The following RAB30 variants were observed in gnomAD, a reference collection of about 807,000 sequenced individuals.
The protein encoded by RAB30 is ras-related protein Rab-30.
RAB30 carries 9 observed loss-of-function variants against 25.1 expected under a neutral mutation model. That is an observed-to-expected ratio of 0.36 (90% CI 0.22 to 0.63). The LOEUF is 0.63. Ranked by LOEUF, RAB30 falls within the 20% of genes least tolerant of loss-of-function variation. The pLI, the probability that RAB30 is intolerant of heterozygous loss-of-function variation, is 0.69. For missense variants in RAB30, 140 were observed against 243.5 expected, an observed-to-expected ratio of 0.58 and a Z score of 2.83; for synonymous variants, 77 against 86.4, an observed-to-expected ratio of 0.89 and a Z score of 0.60.
At chr11:83,067,549 CAA>C (rs2121522246) in intron 1 of RAB30, among the ~76,000 whole-genome samples, 1 of 152,212 alleles carries the variant, frequency 6.6e-6, no homozygotes, top group East Asian at 1.9e-4. Flanking sequence ...CTTCGGAAAA[CAA>C]AAAGACCTGG....
chr11:83,024,644 T>C (rs1857665974), intron 1 of RAB30, among the ~76,000 whole-genome samples: 1 of 152,120 alleles, frequency 6.6e-6, no homozygotes, highest in African/African-American at 2.4e-5. Flanking sequence ...AGAAAAGCCT[T>C]AGAGGAAGTG....
intron 1 of RAB30, among the ~76,000 whole-genome samples, chr11:83,046,475 C>A (rs1858236368): frequency 6.6e-6 from 1 of 152,100 alleles, no homozygotes; most frequent in Non-Finnish European, 1.5e-5. Flanking sequence ...ATATCTCTAC[C>A]CCCAGCTTAG....
chr11:82,987,900 T>C, intron 3 of RAB30, 130 bp from the exon 4 acceptor site: 1 of 155,738 alleles, frequency 6.4e-6, no homozygotes, highest in Non-Finnish European at 1.1e-5. Flanking sequence ...GGTTATTTTC[T>C]GCCCTAAAAA....
At chr11:83,065,155 A>T (rs1176287103) in intron 1 of RAB30, among the ~76,000 whole-genome samples, 2 of 152,138 alleles carry the variant, frequency 1.3e-5, no homozygotes, top group African/African-American at 4.8e-5. Context: ...TGGGAGGCTA[A>T]AATGGGAGGA....
chr11:83,030,254 T>A (rs1000160734), intron 1 of RAB30, among the ~76,000 whole-genome samples: 2 of 151,774 alleles, frequency 1.3e-5, no homozygotes, highest in Non-Finnish European at 2.9e-5. Flanking sequence ...CCCAGCATTT[T>A]GGGAGGCCAA....
At chr11:83,023,928 C>G (rs945652810) in intron 1 of RAB30, among the ~76,000 whole-genome samples, 12 of 152,180 alleles carry the variant, frequency 7.9e-5, no homozygotes, top group African/African-American at 2.9e-4. Flanking sequence ...ATCTCCCATA[C>G]AGAGGTCAGA....
At chr11:83,019,768 C>T (rs781628517) in intron 1 of RAB30, among the ~76,000 whole-genome samples, 8 of 152,196 alleles carry the variant, frequency 5.3e-5, no homozygotes, top group Non-Finnish European at 8.8e-5. Context: ...AAATTCAATA[C>T]AATTGTTGGC....
At chr11:83,050,759 C>T (rs1311198318) in intron 1 of RAB30, among the ~76,000 whole-genome samples, 1 of 151,888 alleles carries the variant, frequency 6.6e-6, no homozygotes. Context: ...TATTAGGAAC[C>T]TCATTTTCTT....
At chr11:83,060,782 T>A (rs1043012348) in intron 1 of RAB30, among the ~76,000 whole-genome samples, 9 of 152,138 alleles carry the variant, frequency 5.9e-5, no homozygotes, top group African/African-American at 1.9e-4. Context: ...TGGGGGTGTG[T>A]CTGCAAGACT....
At chr11:83,045,761 A>G (rs141043663) in intron 1 of RAB30, among the ~76,000 whole-genome samples, 73 of 152,350 alleles carry the variant, frequency 4.8e-4, no homozygotes, top group African/African-American at 1.7e-3. Context: ...ATATTATAGT[A>G]ACTTTAGGTA....
chr11:83,008,481 C>A (rs1857234267), intron 1 of RAB30, among the ~76,000 whole-genome samples: 1 of 152,182 alleles, frequency 6.6e-6, no homozygotes, highest in Non-Finnish European at 1.5e-5. Context: ...TTTACACACA[C>A]CAGGCCATTA....
intron 4 of RAB30, chr11:82,986,925 T>G (rs1856748872): frequency 6.6e-6 from 1 of 152,248 alleles, no homozygotes; most frequent in Non-Finnish European, 1.5e-5. Flanking sequence ...ATAGGAACGT[T>G]CCTTTCTAGG....
At chr11:83,066,597 G>A (rs1858702767) in intron 1 of RAB30, among the ~76,000 whole-genome samples, 1 of 152,200 alleles carries the variant, frequency 6.6e-6, no homozygotes, top group Non-Finnish European at 1.5e-5. Context: ...GTGGCCCAGA[G>A]TAGAGTGCCA....
At chr11:82,996,946 C>A (rs150652924) in intron 2 of RAB30, among the ~76,000 whole-genome samples, 47 of 152,284 alleles carry the variant, frequency 3.1e-4, no homozygotes, top group African/African-American at 1.1e-3. Flanking sequence ...TGATACTGCA[C>A]ACTGACAGCA....
At chr11:83,071,207 C>T (rs1858835402) in intron 1 of RAB30, 1 of 152,214 alleles carries the variant, frequency 6.6e-6, no homozygotes, top group African/African-American at 2.4e-5. Context: ...AAAACTTAAG[C>T]ACGTTCATCT....
chr11:83,063,161 G>A (rs1341082749), intron 1 of RAB30, among the ~76,000 whole-genome samples: 1 of 152,136 alleles, frequency 6.6e-6, no homozygotes, highest in Non-Finnish European at 1.5e-5. Flanking sequence ...GTGACTCACT[G>A]ATGGCCACTC....
chr11:83,039,863 C>T (rs1243134512), intron 1 of RAB30, among the ~76,000 whole-genome samples: 2 of 152,090 alleles, frequency 1.3e-5, no homozygotes, highest in Non-Finnish European at 2.9e-5. Flanking sequence ...CAATGGACTT[C>T]TCTGGAACTG....
At chr11:83,007,333 T>C (rs1189137343) in intron 1 of RAB30, among the ~76,000 whole-genome samples, 2 of 152,074 alleles carry the variant, frequency 1.3e-5, no homozygotes, top group Admixed American at 6.5e-5. Flanking sequence ...TAGAATACTT[T>C]TCAAGATATG....
At chr11:83,059,536 A>G (rs1401767845) in intron 1 of RAB30, among the ~76,000 whole-genome samples, 2 of 152,226 alleles carry the variant, frequency 1.3e-5, no homozygotes, top group Non-Finnish European at 2.9e-5. Context: ...AATTGGTTTC[A>G]GCAAGTGACA....
Sources: allele counts gnomAD v4.1 joint callset (sites outside exome capture counted in the v4.1 genomes callset), GRCh38; gene constraint gnomAD v4.1.1; transcripts MANE v1.5; gene names NCBI Gene and HGNC (gene_info 2026-07-23, HGNC 2026-07-21).